The following LCK variants were observed in gnomAD, a reference collection of about 807,000 sequenced individuals.
The protein encoded by LCK is tyrosine-protein kinase Lck.
LCK carries 14 observed loss-of-function variants against 64.6 expected under a neutral mutation model. The ratio of observed to expected loss-of-function variants is 0.22; its 90% CI spans 0.14 to 0.34. LCK has a LOEUF of 0.34. Among genes scored for constraint, LCK ranks in the 10% least tolerant of loss-of-function variants. LCK has a pLI of 1.00. For missense variants in LCK, 434 were observed against 668.1 expected (o/e 0.65, Z 3.86); for synonymous variants, 277 against 263.6 (o/e 1.05, Z -0.49).
chr1:32,266,652 TC>T (rs1639920826), intron 1 of LCK, among the ~76,000 whole-genome samples: 1 of 33,558 alleles, frequency 3.0e-5, no homozygotes, highest in Non-Finnish European at 5.9e-5. Flanking sequence ...CTCTTCCTCC[TC>T]CCCCTCCTCA....
intron 12 of LCK, among the ~76,000 whole-genome samples, chr1:32,285,080 A>T (rs1190805309): frequency 4.0e-5 from 6 of 151,824 alleles, no homozygotes; most frequent in Admixed American, 3.9e-4. Context: ...AGGCGGGCGG[A>T]TCACCTGAGG....
In LCK at chr1:32,265,101, G is replaced by A. The variant is rs555913537; in HGVS notation, c.-5-9224G>A. On this transcript the variant is annotated intron_variant, in intron 1 of 12. Transcript: ENST00000336890. Reference sequence around the variant, plus strand: ...ACGTGCCTGTAATCCCAGCTGCTCGGGAGGCTGAGGCACGGAGGTTGCAGT... The same window carrying A: ...ACGTGCCTGTAATCCCAGCTGCTCGAGAGGCTGAGGCACGGAGGTTGCAGT... 4.2e-3 allele frequency among the ~76,000 whole-genome samples: 641 copies of A among 152,086 alleles called. 8 individuals carry two copies. The highest frequency in any genetic ancestry group is 0.014 in the African/African-American group (601 of 41,502).
chr1:32,266,678 C>A (rs1363136988), intron 1 of LCK, among the ~76,000 whole-genome samples: 2 of 84,888 alleles, frequency 2.4e-5, no homozygotes, highest in African/African-American at 9.6e-5. Flanking sequence ...TCTCCTCCCC[C>A]TCCCCTTCCC....
chr1:32,272,662 C>T (rs1246242490), intron 1 of LCK, among the ~76,000 whole-genome samples: 1 of 111,076 alleles, frequency 9.0e-6, no homozygotes, highest in Non-Finnish European at 1.9e-5. Flanking sequence ...AGAGAGCGCA[C>T]GCATTTCAAA....
chr1:32,283,208 G>C (rs1163592967), intron 12 of LCK, among the ~76,000 whole-genome samples: 1 of 148,752 alleles, frequency 6.7e-6, no homozygotes, highest in Non-Finnish European at 1.5e-5. Flanking sequence ...GGAATCATTT[G>C]AACCTGGGAG....
intron 12 of LCK, among the ~76,000 whole-genome samples, 176 bp downstream of exon 12, chr1:32,280,386 T>C (rs914766092): frequency 1.7e-4 from 26 of 150,196 alleles, no homozygotes; most frequent in African/African-American, 5.6e-4. Flanking sequence ...CTGGCTTCCA[T>C]CTCCGTATCT....
intron 1 of LCK, among the ~76,000 whole-genome samples, chr1:32,263,439 AAAT>A (rs1290852463): frequency 0.016 from 1,953 of 122,178 alleles, 47 homozygotes; most frequent in African/African-American, 0.068. Context: ...ATAAATAAAT[AAAT>A]AAATAAAAAT....
chr1:32,276,360 C>G lies in LCK; in HGVS notation c.655C>G (p.Arg219Gly). ...YTNASDGLCT[R>G]LSRPCQTQKP... ...AGATGCTTCAGATGGGCTGTGCACA[C>G]GGTTGAGCCGCCCCTGCCAGACCCA... is the stretch of plus-strand genomic sequence containing the variant. The change falls in exon 8 of 13, where the codon CGG (arginine) becomes GGG (glycine). Residue 219 changes from arginine (R) to glycine (G), a missense_variant. Around this residue, in one of 2 missense-constraint regions of LCK, gnomAD observed 233 missense variants for 291.2 expected, o/e 0.80. Transcript: ENST00000336890. This position sits in a 1 kb window ranked among gnomAD's most constrained non-coding sequence, Gnocchi z 4.6. 6.2e-7 allele frequency: 1 copy of G among 1,607,810 alleles called. No homozygotes were observed. The highest frequency in any genetic ancestry group is 8.5e-7 in the Non-Finnish European group (1 of 1,178,086).
chr1:32,260,873 TG>T (rs2124315139), intron 1 of LCK, among the ~76,000 whole-genome samples: 1 of 152,286 alleles, frequency 6.6e-6, no homozygotes, highest in Admixed American at 6.5e-5. Flanking sequence ...CCTTCCACTT[TG>T]GCCTTCCAAA....
chr1:32,271,032 GCT>G (rs1247067073), intron 1 of LCK, among the ~76,000 whole-genome samples: 9 of 135,752 alleles, frequency 6.6e-5, no homozygotes, highest in Non-Finnish European at 1.1e-4. Context: ...ACAGGCTCTC[GCT>G]CTGTTATCCA....
Position 32,285,922 on chromosome 1 carries a change from G to C in LCK, c.*206G>C, listed in dbSNP as rs1640602974. ...CACATGTCTTGTACATGTGTAGCCT[G>C]TGCATGTATGTCTTGGACACTGTAC... is the stretch of plus-strand genomic sequence containing the variant. On this transcript the variant is annotated 3_prime_UTR_variant, in exon 13 of 13. Coordinates refer to ENST00000336890, the MANE Select transcript of LCK (RefSeq NM_005356.5). 1 of 604,804 alleles carries C rather than the reference G, an allele frequency of 1.7e-6. No homozygotes were observed. The highest frequency in any genetic ancestry group is 4.5e-4 in the Middle Eastern group (1 of 2,238). 37.5% of individuals were successfully genotyped at this position (604,804 alleles called of 1,614,324 possible).
At chr1:32,277,996 C>T (rs1008947667) in intron 9 of LCK, among the ~76,000 whole-genome samples, 9 of 152,106 alleles carry the variant, frequency 5.9e-5, no homozygotes, top group African/African-American at 1.2e-4. Flanking sequence ...TGCAACATAG[C>T]GAGACTTCAT....
In LCK at chr1:32,255,732, T is replaced by C. The variant is rs576651062; in HGVS notation, c.-6+4361T>C. On this transcript the variant is annotated intron_variant, in intron 1 of 12. Transcript: ENST00000336890. ...AGGGCCAAATGCATGGGACGCTCTC[T>C]GTCTGCTTACTTCTGCATCCTCAGC... Among the ~76,000 whole-genome samples, 37 of 152,210 alleles carry C rather than the reference T, an allele frequency of 2.4e-4. No individual in the cohort carries two copies. In the South Asian group the frequency reaches 7.0e-3, roughly 29 times the overall value.
chr1:32,279,574 A>G (rs1358556693), intron 9 of LCK, 97 bp from the exon 10 acceptor site: 5 of 1,595,962 alleles, frequency 3.1e-6, no homozygotes, highest in Admixed American at 3.5e-5. Flanking sequence ...TCCTTTTCAC[A>G]TGTCAGACAC....
intron 12 of LCK, among the ~76,000 whole-genome samples, chr1:32,281,940 C>T (rs1057318954): frequency 3.3e-5 from 5 of 152,062 alleles, no homozygotes; most frequent in African/African-American, 1.2e-4. Context: ...CATGGTGGCA[C>T]GCGCCTGTAA....
chr1:32,279,164 G>A (rs1640372972), intron 9 of LCK, among the ~76,000 whole-genome samples: 1 of 152,190 alleles, frequency 6.6e-6, no homozygotes, highest in Non-Finnish European at 1.5e-5. Context: ...CCATGGGAGT[G>A]TAGATGATGA....
Position 32,276,510 on chromosome 1 carries a change from T to G in LCK, c.784+21T>G, listed in dbSNP as rs774612255. On this transcript the variant is annotated intron_variant, in intron 8 of 12. Coordinates refer to ENST00000336890, the MANE Select transcript of LCK (RefSeq NM_005356.5). The surrounding 1 kb of genome is among the most constrained non-coding windows in gnomAD (Gnocchi z 4.6). ...GATGGGTGAGTGTGGCCTCCAGGAC[T>G]GCCTGGGAAGAGGGGAACGGGAGGG... 1 of 1,596,924 alleles carries G rather than the reference T, an allele frequency of 6.3e-7. No homozygotes were observed. The highest frequency in any genetic ancestry group is 1.3e-5 in the African/African-American group (1 of 74,560).
chr1:32,252,664 C>T (rs1248479092), intron 1 of LCK, among the ~76,000 whole-genome samples: 1 of 152,182 alleles, frequency 6.6e-6, no homozygotes, highest in Admixed American at 6.5e-5. Context: ...AGACAGGGTC[C>T]CTTGCTCTTG....
chr1:32,285,009 T>A (rs1470611193), intron 12 of LCK, among the ~76,000 whole-genome samples: 4 of 149,560 alleles, frequency 2.7e-5, no homozygotes, highest in Admixed American at 2.0e-4. Flanking sequence ...ACATTTTTTT[T>A]AAGTAAATAA....
Sources: gnomAD v4.1 joint callset for allele counts (sites outside exome capture counted in the v4.1 genomes callset) on GRCh38, gnomAD v4.1.1 for gene constraint, gnomAD v4.1.1 regional missense constraint, Gnocchi (gnomAD v3.1) non-coding constraint, MANE v1.5 for transcripts, NCBI Gene and HGNC (gene_info 2026-07-23, HGNC 2026-07-21) for gene names.